Variants in WDFY3 observed in about 807,000 individuals in gnomAD.
WDFY3 encodes WD repeat and FYVE domain-containing protein 3.
WDFY3 carries 66 observed loss-of-function variants against 409.6 expected under a neutral mutation model. The observed-to-expected ratio is 0.16, with a 90% CI of 0.13 to 0.20. The LOEUF (loss-of-function observed/expected upper bound fraction) is 0.20, where lower values mean the gene tolerates loss of function less well. Among genes scored for constraint, WDFY3 ranks in the 10% least tolerant of loss-of-function variants. The pLI is 1.00. For synonymous variants in WDFY3, 1,521 were observed against 1,537.1 expected (o/e 0.99, Z 0.25); for missense variants, 3,031 against 4,298.1 (o/e 0.71, Z 8.24).
chr4:84,681,666 G>A (rs999037691), intron 64 of WDFY3, among the ~76,000 whole-genome samples: 1 of 151,860 alleles, frequency 6.6e-6, no homozygotes, highest in African/African-American at 2.4e-5. Context: ...ACAATCTGAA[G>A]GTCAAACTTC....
Position 84,794,657 on chromosome 4 carries a change from T to C in WDFY3, c.3349A>G (p.Asn1117Asp), listed in dbSNP as rs775024877. Residue 1117 changes from asparagine (N) to aspartate (D), a missense_variant, in exon 21 of 68, where the codon AAC (asparagine) becomes GAC (aspartate). By Grantham distance (23) the Asn-to-Asp change is conservative. Around this residue, in one of 16 missense-constraint regions of WDFY3, gnomAD observed 1,322 missense variants for 1,697.9 expected, o/e 0.78. Coordinates refer to ENST00000295888, the MANE Select transcript of WDFY3 (RefSeq NM_014991.6). Reference protein sequence around the residue: ...CIEHFSSPPNNHPVRLLTVVR... With the variant: ...CIEHFSSPPNDHPVRLLTVVR... ...ACAGTAAGAAGTCTGACAGGGTGGTTATTTGGAGGAGAACTAAAATGTTCA... is the reference window on the plus strand; with the variant it reads ...ACAGTAAGAAGTCTGACAGGGTGGTCATTTGGAGGAGAACTAAAATGTTCA... 6.2e-7 allele frequency: 1 copy of C among 1,614,044 alleles called. No individual in the cohort carries two copies. The highest frequency in any genetic ancestry group is 8.5e-7 in the Non-Finnish European group (1 of 1,179,988).
chr4:84,781,902 C>A (rs191417699), intron 25 of WDFY3, among the ~76,000 whole-genome samples: 1 of 152,214 alleles, frequency 6.6e-6, no homozygotes, highest in East Asian at 1.9e-4. Context: ...TTCACTGGGA[C>A]AATAAAAATT....
intron 2 of WDFY3, among the ~76,000 whole-genome samples, chr4:84,918,828 G>T (rs371493665): frequency 8.5e-4 from 123 of 145,562 alleles, no homozygotes; most frequent in Non-Finnish European, 1.3e-3. Context: ...TATATATATA[G>T]ATATATATAT....
At chr4:84,783,250 T>C (rs1274248020) in intron 24 of WDFY3, among the ~76,000 whole-genome samples, 176 bp from the exon 25 acceptor site, 9 of 152,144 alleles carry the variant, frequency 5.9e-5, no homozygotes, top group Non-Finnish European at 1.3e-4. Context: ...TCCTAACACT[T>C]TGTAAGATAG....
chr4:84,945,189 G>C (rs1579237029), intron 1 of WDFY3, among the ~76,000 whole-genome samples: 3 of 152,164 alleles, frequency 2.0e-5, no homozygotes. Context: ...TGCTCAATAG[G>C]TTCATGAAAA....
chr4:84,817,676 T>TACAA, intron 12 of WDFY3, 91 bp from the exon 13 acceptor site: 1 of 1,156,434 alleles, frequency 8.6e-7, no homozygotes, highest in Non-Finnish European at 1.2e-6. Context: ...TTTTTGTAGG[T>TACAA]AAAGTAACTC....
In WDFY3 at chr4:84,844,707, T is replaced by C. The variant is rs150808265; in HGVS notation, c.305-3444A>G. ...TAATAATAAACTAAAGATACTACTT[T>C]ATGCAGGTAGGAATTTTCTGCTTTG... On this transcript the variant is annotated intron_variant, in intron 5 of 67. Transcript: ENST00000295888. Among the ~76,000 whole-genome samples the C allele has an allele frequency of 1.2e-4, 19 of 152,322 alleles. No individual in the cohort carries two copies. The East Asian group carries it at 3.1e-3, about 25-fold the overall frequency.
At chr4:84,823,947 A>G (rs367858580) in intron 10 of WDFY3, among the ~76,000 whole-genome samples, 2 of 152,208 alleles carry the variant, frequency 1.3e-5, no homozygotes, top group South Asian at 4.1e-4. Context: ...ATGAAAACGT[A>G]TGTCCACAGA....
intron 3 of WDFY3, among the ~76,000 whole-genome samples, chr4:84,882,945 G>A (rs368660416): frequency 2.6e-5 from 4 of 152,054 alleles, no homozygotes; most frequent in East Asian, 1.9e-4. Context: ...GGGCTAGAGC[G>A]ATCCTCCCAC....
At position 84,716,985 on chromosome 4, in the gene WDFY3, T is replaced by G. The variant is rs1433731017; in HGVS notation, c.7786A>C (p.Arg2596=). ...CTCTTGAGTTGACTAGGGCCTTGCC[T>G]GGCTCCTCTAGGAATAATAGGCTCA... ...MHEPIIPRGA[R]QGPSQLKRTC... The change falls in exon 49 of 68, where the codon AGG becomes CGG. Residue 2596 remains arginine, a synonymous_variant. Coordinates refer to ENST00000295888, the MANE Select transcript of WDFY3 (RefSeq NM_014991.6). 6.2e-7 allele frequency: 1 copy of G among 1,608,414 alleles called. No individual in the cohort carries two copies. Among genetic ancestry groups the G allele is most frequent in the African/African-American group, 1.3e-5 (1 of 74,796 alleles).
At chr4:84,893,937 C>A (rs1357710126) in intron 3 of WDFY3, among the ~76,000 whole-genome samples, 2 of 151,468 alleles carry the variant, frequency 1.3e-5, no homozygotes, top group African/African-American at 4.9e-5. Context: ...TGCAATGAGC[C>A]GAGGCTGCGC....
chr4:84,843,922 G>C (rs370774522), intron 5 of WDFY3, among the ~76,000 whole-genome samples: 1 of 151,926 alleles, frequency 6.6e-6, no homozygotes, highest in African/African-American at 2.4e-5. Flanking sequence ...AAATATAAAC[G>C]ATTTAACTTA....
At chr4:84,718,301 A>G in intron 48 of WDFY3, 121 bp downstream of exon 48, 1 of 1,003,364 alleles carries the variant, frequency 1.0e-6, no homozygotes. Context: ...TGATGAATGC[A>G]CACAAACCGA....
intron 27 of WDFY3, among the ~76,000 whole-genome samples, chr4:84,777,221 A>G (rs769205628): frequency 1.1e-4 from 17 of 152,072 alleles, no homozygotes; most frequent in Non-Finnish European, 2.2e-4. Context: ...AGCAAGAATT[A>G]AAAATAAGTC....
chr4:84,723,716 G>A (rs1233344807), intron 46 of WDFY3, among the ~76,000 whole-genome samples: 2 of 152,210 alleles, frequency 1.3e-5, no homozygotes, highest in Non-Finnish European at 2.9e-5. Flanking sequence ...TAACAGACAT[G>A]AGCGAAGTAT....
At chr4:84,849,569 T>TAAAAAA (rs5859953) in intron 5 of WDFY3, 5 of 110,110 alleles carry the variant, frequency 4.5e-5, no homozygotes, top group Non-Finnish European at 5.2e-5. Flanking sequence ...CAGGGTATGC[T>TAAAAAA]AAAAAAAAAA....
intron 67 of WDFY3, 87 bp from the exon 68 acceptor site, chr4:84,673,078 T>A (rs1302037412): frequency 1.9e-6 from 3 of 1,570,896 alleles, no homozygotes; most frequent in Non-Finnish European, 2.6e-6. Context: ...AATGGAAAGC[T>A]TGCAGTAAAA....
rs1353811754 is a variant in WDFY3, at chr4:84,842,990, CA to C, written c.305-1728del. ...CTTTGTAAACTTCCATTTGAGGGAACATTTTAGCACGAAAATTTTAAAAACA... is the reference window on the plus strand; with the variant it reads ...CTTTGTAAACTTCCATTTGAGGGAACTTTTAGCACGAAAATTTTAAAAACA... On this transcript the variant is annotated intron_variant, in intron 5 of 67. Transcript: ENST00000295888. 2.0e-5 allele frequency among the ~76,000 whole-genome samples: 3 copies of C among 152,174 alleles called. No homozygotes were observed. The East Asian group carries it at 5.8e-4, about 29-fold the overall frequency.
intron 3 of WDFY3, among the ~76,000 whole-genome samples, chr4:84,860,887 T>A (rs890208371): frequency 2.0e-5 from 3 of 152,180 alleles, no homozygotes; most frequent in African/African-American, 7.2e-5. Flanking sequence ...AAGTAATAAA[T>A]GTTTCCAATT....
Sources: gnomAD v4.1 joint callset for allele counts (sites outside exome capture counted in the v4.1 genomes callset) on GRCh38, gnomAD v4.1.1 for gene constraint, gnomAD v4.1.1 regional missense constraint, MANE v1.5 for transcripts, NCBI Gene and HGNC (gene_info 2026-07-23, HGNC 2026-07-21) for gene names.